The following SLC38A11 variants were observed in gnomAD, a reference collection of about 807,000 sequenced individuals.
SLC38A11 encodes the protein putative sodium-coupled neutral amino acid transporter 11.
In SLC38A11, 51 loss-of-function variants were observed where a neutral mutation model predicts 49.4. That is an observed-to-expected ratio of 1.03 (90% CI 0.83 to 1.30). The LOEUF (loss-of-function observed/expected upper bound fraction) is 1.30. SLC38A11 is among the 50% of genes most tolerant of loss of function. The probability of loss-of-function intolerance (pLI) is 0.00; values close to 1 mark genes in which losing one functional copy is unlikely to be tolerated. For missense variants in SLC38A11, 574 were observed against 556.2 expected (o/e 1.03, Z -0.32); for synonymous variants, 203 against 192.9 (o/e 1.05, Z -0.43).
chr2:164,955,044 G>GAA (rs4001062), intron 1 of SLC38A11, among the ~76,000 whole-genome samples, 165 bp downstream of exon 1: 2,257 of 144,780 alleles, frequency 0.016, 47 homozygotes, highest in African/African-American at 0.054. Context: ...TGCCTGCTAA[G>GAA]AAAAAAAAAA....
intron 7 of SLC38A11, among the ~76,000 whole-genome samples, chr2:164,934,783 A>G (rs1407384036): frequency 6.6e-6 from 1 of 152,190 alleles, no homozygotes; most frequent in Non-Finnish European, 1.5e-5. Context: ...TTTAGCCCAA[A>G]TTATCATTTA....
chr2:164,902,879 TAA>T (rs1296057864), intron 11 of SLC38A11, among the ~76,000 whole-genome samples: 1 of 152,108 alleles, frequency 6.6e-6, no homozygotes, highest in African/African-American at 2.4e-5. Context: ...AGAAAATACT[TAA>T]AAATACCAAA....
chr2:164,913,929 A>G (rs1269426643), intron 9 of SLC38A11, among the ~76,000 whole-genome samples: 3 of 152,010 alleles, frequency 2.0e-5, no homozygotes. Flanking sequence ...ATATTTGCCT[A>G]AAGTCATAGT....
At position 164,897,862 on chromosome 2, in the gene SLC38A11, G is replaced by C. The variant is rs936299498; in HGVS notation, c.*575C>G. The stretch of plus-strand genomic sequence containing the variant: ...TTACACACCTTGCTCCTCACAGCCA[G>C]TCTATGATTCAGGATTCCTCACATG... On this transcript the variant is annotated 3_prime_UTR_variant, in exon 12 of 12. Coordinates refer to ENST00000685975, the MANE Select transcript of SLC38A11 (RefSeq NM_001351537.2). The C allele has an allele frequency of 2.0e-5, 3 of 152,416 alleles. No individual in the cohort carries two copies. Among genetic ancestry groups the C allele is most frequent in the Non-Finnish European group, 2.9e-5 (2 of 68,278 alleles). 9.4% of individuals were successfully genotyped at this position (152,416 alleles called of 1,614,324 possible).
chr2:164,936,459 G>A (rs1687380616), intron 7 of SLC38A11, among the ~76,000 whole-genome samples: 1 of 152,112 alleles, frequency 6.6e-6, no homozygotes. Context: ...TTTTCTTACA[G>A]ATGCCATTCA....
intron 7 of SLC38A11, among the ~76,000 whole-genome samples, chr2:164,916,358 G>A (rs928128496): frequency 5.9e-5 from 9 of 151,926 alleles, no homozygotes; most frequent in African/African-American, 1.9e-4. Flanking sequence ...TGTTCATTCC[G>A]CTCTTATTTT....
intron 3 of SLC38A11, among the ~76,000 whole-genome samples, chr2:164,949,425 T>G (rs912475450): frequency 1.3e-5 from 2 of 152,068 alleles, no homozygotes; most frequent in African/African-American, 4.8e-5. Context: ...ATCCAGTTAA[T>G]TTTTGTATTT....
intron 10 of SLC38A11, among the ~76,000 whole-genome samples, 194 bp downstream of exon 10, chr2:164,911,442 A>T (rs1254063750): frequency 3.3e-5 from 5 of 152,104 alleles, no homozygotes; most frequent in Non-Finnish European, 7.4e-5. Context: ...CTTTTGAAAA[A>T]TTGTCTTGTA....
chr2:164,910,396 A>G (rs563487196), intron 10 of SLC38A11, among the ~76,000 whole-genome samples: 1 of 152,208 alleles, frequency 6.6e-6, no homozygotes, highest in South Asian at 2.1e-4. Flanking sequence ...AGCAGAAGCT[A>G]AAATAATACC....
chr2:164,942,481 A>C (rs2105506214), intron 5 of SLC38A11, among the ~76,000 whole-genome samples: 1 of 151,796 alleles, frequency 6.6e-6, no homozygotes, highest in African/African-American at 2.4e-5. Flanking sequence ...AGGAAAGAAA[A>C]ACCCTTAAGA....
intron 7 of SLC38A11, among the ~76,000 whole-genome samples, chr2:164,935,808 A>G (rs1321972370): frequency 6.6e-6 from 1 of 152,106 alleles, no homozygotes; most frequent in Admixed American, 6.6e-5. Context: ...GGCCTTTGGG[A>G]GACTTTGAGA....
At position 164,909,211 on chromosome 2, in the gene SLC38A11, G is replaced by T. The variant is rs575248150; in HGVS notation, c.964-440C>A. Among the ~76,000 whole-genome samples the T allele has an allele frequency of 5.9e-5, 9 of 152,102 alleles. No individual in the cohort carries two copies. The South Asian group carries it at 1.9e-3, about 32-fold the overall frequency. ...GGATGTGTAATATCCTTTACTAACAGGAAATTAATTCTGCATTAACTAATT... is the reference window on the plus strand; with the variant it reads ...GGATGTGTAATATCCTTTACTAACATGAAATTAATTCTGCATTAACTAATT... On this transcript the variant is annotated intron_variant, in intron 10 of 11. Coordinates refer to ENST00000685975, the MANE Select transcript of SLC38A11 (RefSeq NM_001351537.2).
chr2:164,952,662 T>C lies in SLC38A11; in HGVS notation c.229+45A>G, dbSNP rs1305125271. 6 of 1,213,882 alleles carry C rather than the reference T, an allele frequency of 4.9e-6. No homozygotes were observed. In the South Asian group the frequency reaches 6.0e-5, roughly 12 times the overall value. The allele number at this position is 1,213,882 out of a possible 1,614,324, so 75.2% of individuals were successfully genotyped here. A position where few individuals can be genotyped will look rare whatever the true frequency, so the allele number is the denominator to read the frequency against. On this transcript the variant is annotated intron_variant, in intron 3 of 11. Coordinates refer to ENST00000685975, the MANE Select transcript of SLC38A11 (RefSeq NM_001351537.2). ...TGTGTGTGTGTATGTGTGTAGTTAT[T>C]GCACAGTTGAAGTTGCAGAAATAAG...
At chr2:164,908,877 A>T in intron 10 of SLC38A11, 106 bp from the exon 11 acceptor site, 1 of 1,249,026 alleles carries the variant, frequency 8.0e-7, no homozygotes, top group East Asian at 2.7e-5. Flanking sequence ...TACTACCAAC[A>T]AGGCTATTAA....
In SLC38A11 at chr2:164,895,284, T is replaced by C. The variant is rs992361537; in HGVS notation, c.*3153A>G. Among the ~76,000 whole-genome samples the C allele has an allele frequency of 1.3e-5, 2 of 152,210 alleles. No homozygotes were observed. The highest frequency in any genetic ancestry group is 4.8e-5 in the African/African-American group (2 of 41,450). ...ACACATTTTTTAGAATAAGCATACA[T>C]TCTTAAAAGCGCTTATTCTATTGAG... is the stretch of plus-strand genomic sequence containing the variant. On this transcript the variant is annotated 3_prime_UTR_variant, in exon 12 of 12. Transcript: ENST00000685975.
intron 7 of SLC38A11, among the ~76,000 whole-genome samples, chr2:164,933,927 T>G (rs958804668): frequency 1.3e-5 from 2 of 152,150 alleles, no homozygotes; most frequent in African/African-American, 2.4e-5. Flanking sequence ...CATCTAAATA[T>G]TGAAAGAGTT....
intron 5 of SLC38A11, among the ~76,000 whole-genome samples, chr2:164,942,792 A>G (rs189263907): frequency 6.6e-6 from 1 of 152,296 alleles, no homozygotes; most frequent in East Asian, 1.9e-4. Context: ...GTACTGGGTA[A>G]GTCTACTGTG....
chr2:164,933,755 G>A (rs1687171129), intron 7 of SLC38A11, among the ~76,000 whole-genome samples: 1 of 152,060 alleles, frequency 6.6e-6, no homozygotes, highest in Non-Finnish European at 1.5e-5. Flanking sequence ...ATTCATCGCT[G>A]TCATATTTTC....
At chr2:164,953,889 GAAT>G (rs1250989948) in intron 2 of SLC38A11, among the ~76,000 whole-genome samples, 3 of 151,992 alleles carry the variant, frequency 2.0e-5, no homozygotes, top group South Asian at 2.1e-4. Flanking sequence ...ATACCAAAAA[GAAT>G]AATAACCACT....
Sources: allele counts gnomAD v4.1 joint callset (sites outside exome capture counted in the v4.1 genomes callset), GRCh38; gene constraint gnomAD v4.1.1; transcripts MANE v1.5; gene names NCBI Gene and HGNC (gene_info 2026-07-23, HGNC 2026-07-21).